CSMD3: variants seen among roughly 807,000 people sequenced by gnomAD.
CSMD3 encodes the protein CUB and sushi domain-containing protein 3.
In CSMD3, 177 loss-of-function variants were observed where a neutral mutation model predicts 435.2. The ratio of observed to expected loss-of-function variants is 0.41; its 90% CI spans 0.36 to 0.46. CSMD3 has a LOEUF of 0.46. Among genes scored for constraint, CSMD3 ranks in the 20% least tolerant of loss-of-function variants. CSMD3 has a pLI of 0.34. For missense variants in CSMD3, 4,265 were observed against 4,504.6 expected, an observed-to-expected ratio of 0.95 and a Z score of 1.52; for synonymous variants, 1,656 against 1,520.5, an observed-to-expected ratio of 1.09 and a Z score of -2.07.
intron 1 of CSMD3, among the ~76,000 whole-genome samples, chr8:113,316,083 T>C (rs1211215034): frequency 6.6e-6 from 1 of 152,128 alleles, no homozygotes; most frequent in East Asian, 1.9e-4. Flanking sequence ...AATACAACCG[T>C]AAGAGAAGAT....
chr8:112,954,588 A>G (rs906893593), intron 8 of CSMD3, 96 bp downstream of exon 8: 2 of 739,152 alleles, frequency 2.7e-6, no homozygotes, highest in Non-Finnish European at 4.9e-6. Context: ...AATTTGGTAA[A>G]TACACAAATA....
At chr8:112,843,464 G>T (rs1468762222) in intron 11 of CSMD3, among the ~76,000 whole-genome samples, 1 of 151,870 alleles carries the variant, frequency 6.6e-6, no homozygotes, top group African/African-American at 2.4e-5. Context: ...AAAAAGCTGT[G>T]ACTATATTAC....
intron 9 of CSMD3, among the ~76,000 whole-genome samples, chr8:112,927,994 C>A (rs1486903047): frequency 6.6e-6 from 1 of 152,060 alleles, no homozygotes; most frequent in Non-Finnish European, 1.5e-5. Flanking sequence ...CATTTGTGTA[C>A]AATTTCAAGT....
At chr8:113,433,476 G>A (rs1231114611) in intron 1 of CSMD3, among the ~76,000 whole-genome samples, 2 of 152,204 alleles carry the variant, frequency 1.3e-5, no homozygotes, top group African/African-American at 4.8e-5. Context: ...AACTAACTGC[G>A]GGAGAGGATG....
intron 1 of CSMD3, among the ~76,000 whole-genome samples, chr8:113,348,544 A>C (rs1395999108): frequency 1.3e-5 from 2 of 152,146 alleles, no homozygotes; most frequent in African/African-American, 4.8e-5. Context: ...AGATGCAAAA[A>C]GATGTATTGA....
intron 60 of CSMD3, among the ~76,000 whole-genome samples, chr8:112,264,352 T>A (rs1816734137): frequency 6.6e-6 from 1 of 152,188 alleles, no homozygotes; most frequent in Non-Finnish European, 1.5e-5. Context: ...AATGCATTTT[T>A]AATTTTTTTA....
In CSMD3 at chr8:112,561,289, T is replaced by C. The variant is rs561859966; in HGVS notation, c.4043-4335A>G. Among the ~76,000 whole-genome samples, 3 of 151,794 alleles carry C rather than the reference T, an allele frequency of 2.0e-5. No individual in the cohort carries two copies. In the East Asian group the frequency reaches 5.8e-4, roughly 29 times the overall value. ...TATGCTATAAATATTCAACACTGCT[T>C]GTGAAATTTTATACGCTGGTGAAAT... On this transcript the variant is annotated intron_variant, in intron 24 of 70. Coordinates refer to ENST00000297405, the MANE Select transcript of CSMD3 (RefSeq NM_198123.2).
At chr8:112,940,044 A>T (rs1192486176) in intron 9 of CSMD3, among the ~76,000 whole-genome samples, 1 of 151,960 alleles carries the variant, frequency 6.6e-6, no homozygotes, top group Non-Finnish European at 1.5e-5. Flanking sequence ...CTTTGTAATT[A>T]CCAAAATAAG....
At chr8:112,587,034 A>G (rs1212649150) in intron 23 of CSMD3, 32 bp downstream of exon 23, 2 of 1,517,350 alleles carry the variant, frequency 1.3e-6, no homozygotes, top group Non-Finnish European at 1.8e-6. Context: ...ACTAAAAATG[A>G]ACAATATACA....
rs376163260 is a variant in CSMD3 at position 112,636,250 on chromosome 8, G to T, written c.3715+567C>A. Among the ~76,000 whole-genome samples, 18 of 152,066 alleles carry T rather than the reference G, an allele frequency of 1.2e-4. No homozygotes were observed. The East Asian group carries it at 2.1e-3, about 18-fold the overall frequency. The stretch of plus-strand genomic sequence containing the variant: ...ATAGTTATTTTTTATTTCACAACAT[G>T]AATGAATAGCTCTCTTAATTTATCT... On this transcript the variant is annotated intron_variant, in intron 22 of 70. Coordinates refer to ENST00000297405, the MANE Select transcript of CSMD3 (RefSeq NM_198123.2).
chr8:112,858,702 A>G (rs1184128718), intron 11 of CSMD3, among the ~76,000 whole-genome samples: 2 of 151,896 alleles, frequency 1.3e-5, no homozygotes, highest in Non-Finnish European at 2.9e-5. Flanking sequence ...TTATTAGTGC[A>G]GAGCACATTA....
In CSMD3 at chr8:113,033,043, G is replaced by A. The variant is rs190352720; in HGVS notation, c.918-13864C>T. On this transcript the variant is annotated intron_variant, in intron 5 of 70. Coordinates refer to ENST00000297405, the MANE Select transcript of CSMD3 (RefSeq NM_198123.2). The stretch of plus-strand genomic sequence containing the variant: ...TGGAAGACAAGAGTTTGAACTTTGG[G>A]AGTCTCCACCTAGATTTCAGAGGAT... Among the ~76,000 whole-genome samples the A allele has an allele frequency of 2.3e-4, 35 of 151,652 alleles. 2 individuals carry two copies. The highest frequency in any genetic ancestry group is 5.0e-4 in the Non-Finnish European group (34 of 67,792).
At chr8:113,290,829 AAAT>A (rs1252591349) in intron 2 of CSMD3, among the ~76,000 whole-genome samples, 1 of 151,562 alleles carries the variant, frequency 6.6e-6, no homozygotes, top group Non-Finnish European at 1.5e-5. Flanking sequence ...TACTATTTTA[AAAT>A]AATAATCATA....
At chr8:112,355,310 T>C (rs960764322) in intron 38 of CSMD3, among the ~76,000 whole-genome samples, 1 of 152,122 alleles carries the variant, frequency 6.6e-6, no homozygotes, top group Non-Finnish European at 1.5e-5. Context: ...TATGACAACA[T>C]CCTCAAAAGC....
rs202094420 is a variant in CSMD3, at chr8:112,241,707, T to A, written c.10468+13A>T. On this transcript the variant is annotated intron_variant, in intron 66 of 70. Coordinates refer to ENST00000297405, the MANE Select transcript of CSMD3 (RefSeq NM_198123.2). ...AAATAATGAACTCTAGAAAAACAAA[T>A]GACATTACTAACCACTTAGCTTTGG... 1 of 1,594,130 alleles carries A rather than the reference T, an allele frequency of 6.3e-7. No homozygotes were observed. The highest frequency in any genetic ancestry group is 8.6e-7 in the Non-Finnish European group (1 of 1,161,978).
intron 42 of CSMD3, among the ~76,000 whole-genome samples, chr8:112,340,661 T>A (rs1825002654): frequency 6.6e-6 from 1 of 152,114 alleles, no homozygotes; most frequent in African/African-American, 2.4e-5. Flanking sequence ...ATGTAAAATA[T>A]CATTTTAATA....
chr8:113,400,991 T>A (rs2094507417), intron 1 of CSMD3, among the ~76,000 whole-genome samples: 2 of 151,800 alleles, frequency 1.3e-5, no homozygotes, highest in Non-Finnish European at 3.0e-5. Flanking sequence ...ATAAAGAAAC[T>A]AAATAGTGTA....
At chr8:112,856,710 C>A (rs1382117227) in intron 11 of CSMD3, among the ~76,000 whole-genome samples, 2 of 151,790 alleles carry the variant, frequency 1.3e-5, no homozygotes, top group Non-Finnish European at 3.0e-5. Context: ...TTCCATCAAC[C>A]ATGTACTTTT....
intron 11 of CSMD3, among the ~76,000 whole-genome samples, chr8:112,830,786 ATTT>A (rs548208858): frequency 6.5e-5 from 9 of 138,338 alleles, no homozygotes; most frequent in African/African-American, 1.9e-4. Context: ...TATAATAACA[ATTT>A]TTTTTTTTTT....
Sources: allele counts gnomAD v4.1 joint callset (sites outside exome capture counted in the v4.1 genomes callset), GRCh38; gene constraint gnomAD v4.1.1; transcripts MANE v1.5; gene names NCBI Gene and HGNC (gene_info 2026-07-23, HGNC 2026-07-21).